The following NAA35 variants were observed in gnomAD, a reference collection of about 807,000 sequenced individuals.
NAA35 encodes the protein MAK10 homolog, amino-acid N-acetyltransferase subunit.
A neutral mutation model predicts 101.7 loss-of-function variants in NAA35; 18 were observed. The ratio of observed to expected loss-of-function variants is 0.18; its 90% CI spans 0.12 to 0.26. The LOEUF (loss-of-function observed/expected upper bound fraction) is 0.26. Among genes scored for constraint, NAA35 ranks in the 10% least tolerant of loss-of-function variants. The pLI is 1.00. For missense variants in NAA35, 601 were observed against 886.8 expected, an observed-to-expected ratio of 0.68 and a Z score of 4.09; for synonymous variants, 267 against 273.1, an observed-to-expected ratio of 0.98 and a Z score of 0.22.
chr9:85,967,557 C>T (rs1250210113), intron 6 of NAA35, among the ~76,000 whole-genome samples: 3 of 152,054 alleles, frequency 2.0e-5, no homozygotes, highest in Non-Finnish European at 4.4e-5. Flanking sequence ...CATGTAATTC[C>T]AGCACTTTGA....
intron 12 of NAA35, among the ~76,000 whole-genome samples, chr9:85,999,899 G>A (rs1245254023): frequency 6.6e-6 from 1 of 152,134 alleles, no homozygotes; most frequent in Non-Finnish European, 1.5e-5. Flanking sequence ...GTAGATGTTA[G>A]CATTTCGGTG....
chr9:86,018,434 C>T (rs879091022), intron 20 of NAA35, 39 bp downstream of exon 20: 1 of 1,581,392 alleles, frequency 6.3e-7, no homozygotes, highest in East Asian at 2.3e-5. Context: ...AATCTTTAGT[C>T]TTAGACCTTC....
intron 1 of NAA35, 117 bp from the exon 2 acceptor site, chr9:85,942,013 GTACTGTCCTTAGACTCAGAAGAGTT>G: frequency 7.4e-7 from 1 of 1,353,412 alleles, no homozygotes; most frequent in Admixed American, 2.8e-5. Context: ...ATTCTTTGCA[GTACTGTCCTTAGACTCAGAAGAGTT>G]CTGCTTTAAA....
chr9:85,994,376 C>T (rs1321612239), intron 11 of NAA35, among the ~76,000 whole-genome samples: 2 of 152,148 alleles, frequency 1.3e-5, no homozygotes, highest in Non-Finnish European at 2.9e-5. Flanking sequence ...TGTTCTAGGT[C>T]CCTCATACAA....
intron 6 of NAA35, among the ~76,000 whole-genome samples, chr9:85,967,071 G>A (rs1163374018): frequency 6.6e-6 from 1 of 152,048 alleles, no homozygotes; most frequent in African/African-American, 2.4e-5. Flanking sequence ...CTCAGGAGGC[G>A]GAGCTTGCAG....
Position 86,014,286 on chromosome 9 carries a change from T to C in NAA35, c.1568+389T>C, listed in dbSNP as rs908513990. ...TTCTTGGAAGAAATCATGACCAAGG[T>C]GATCACTGGGAGCATAACTGTTTCA... On this transcript the variant is annotated intron_variant, in intron 17 of 22. Coordinates refer to ENST00000361671, the MANE Select transcript of NAA35 (RefSeq NM_024635.4). The C allele has an allele frequency of 5.2e-6, 3 of 575,628 alleles. No homozygotes were observed. The African/African-American group carries it at 6.1e-5, about 12-fold the overall frequency. The allele number at this position is 575,628 out of a possible 1,614,324, so 35.7% of individuals were successfully genotyped here. A position where few individuals can be genotyped will look rare whatever the true frequency, so the allele number is the denominator to read the frequency against.
At chr9:85,966,042 C>T (rs945639923) in intron 6 of NAA35, among the ~76,000 whole-genome samples, 1 of 152,124 alleles carries the variant, frequency 6.6e-6, no homozygotes, top group South Asian at 2.1e-4. Context: ...TATGCTCCAG[C>T]GATACTTTGT....
chr9:85,999,855 G>A (rs1336951239), intron 12 of NAA35, among the ~76,000 whole-genome samples: 1 of 152,174 alleles, frequency 6.6e-6, no homozygotes, highest in Non-Finnish European at 1.5e-5. Flanking sequence ...GCAGAGAACT[G>A]TGAAGATGAT....
intron 21 of NAA35, among the ~76,000 whole-genome samples, chr9:86,020,679 A>G (rs1832492208): frequency 1.3e-5 from 2 of 152,148 alleles, no homozygotes; most frequent in East Asian, 1.9e-4. Context: ...TCTTGTCTCT[A>G]TAAAAATTTA....
intron 2 of NAA35, among the ~76,000 whole-genome samples, chr9:85,949,525 C>G (rs1218142458): frequency 2.6e-5 from 4 of 151,896 alleles, no homozygotes; most frequent in African/African-American, 4.8e-5. Flanking sequence ...GAACTCCTGA[C>G]CTTGTGATCC....
At chr9:86,018,453 A>G in intron 20 of NAA35, 58 bp downstream of exon 20, 3 of 1,552,318 alleles carry the variant, frequency 1.9e-6, no homozygotes, top group South Asian at 1.2e-5. Context: ...TCTTAGAGAG[A>G]TGCTGTTTGT....
chr9:86,003,731 T>C, intron 13 of NAA35, 87 bp downstream of exon 13: 1 of 776,756 alleles, frequency 1.3e-6, no homozygotes, highest in South Asian at 2.3e-5. Flanking sequence ...AAAAGGTAGA[T>C]GCTTTTAAAG....
chr9:85,953,659 C>G (rs1290735254), intron 2 of NAA35, among the ~76,000 whole-genome samples: 1 of 151,940 alleles, frequency 6.6e-6, no homozygotes, highest in Admixed American at 6.6e-5. Flanking sequence ...GAACTCCTGA[C>G]CTCAGGTGAT....
At chr9:85,955,327 CAT>C (rs1173706353) in intron 2 of NAA35, among the ~76,000 whole-genome samples, 1,773 of 82,572 alleles carry the variant, frequency 0.021, 115 homozygotes, top group Admixed American at 0.076. Flanking sequence ...CATCTATATA[CAT>C]ATATATATAT....
rs1832700368 is a variant in NAA35 at position 86,024,570 on chromosome 9, T to TG, written c.*2612dup. ...TTAACAAAGGTAGTGGCAGAGCAGG[T>TG]GGAAGAAAGTGGATGAAATCAAATG... On this transcript the variant is annotated 3_prime_UTR_variant, in exon 23 of 23. Coordinates refer to ENST00000361671, the MANE Select transcript of NAA35 (RefSeq NM_024635.4). Among the ~76,000 whole-genome samples the TG allele has an allele frequency of 6.6e-6, 1 of 151,914 alleles. No individual in the cohort carries two copies. The highest frequency in any genetic ancestry group is 2.4e-5 in the African/African-American group (1 of 41,324).
intron 9 of NAA35, among the ~76,000 whole-genome samples, chr9:85,977,003 A>G (rs1587605628): frequency 6.6e-6 from 1 of 152,150 alleles, no homozygotes; most frequent in African/African-American, 2.4e-5. Flanking sequence ...AGAGCGCCAC[A>G]GTATCAAAAG....
At chr9:85,975,295 TG>T in intron 8 of NAA35, 138 bp downstream of exon 8, 1 of 794,548 alleles carries the variant, frequency 1.3e-6, no homozygotes, top group Non-Finnish European at 2.0e-6. Flanking sequence ...ATTTGAACAC[TG>T]CTAGAGGAGT....
chr9:85,964,078 CTA>C lies in NAA35; in HGVS notation c.516+1900_516+1901del, dbSNP rs895441837. Among the ~76,000 whole-genome samples, 11 of 149,652 alleles carry C rather than the reference CTA, an allele frequency of 7.4e-5. No individual in the cohort carries two copies. In the South Asian group the frequency reaches 8.5e-4, roughly 12 times the overall value. On this transcript the variant is annotated intron_variant, in intron 6 of 22. Transcript: ENST00000361671. ...ATGGGAAAACAGGCACTCAAATACT[CTA>C]TGTGTGTGTCAATGAATATGAGCAG... is the stretch of plus-strand genomic sequence containing the variant.
chr9:85,965,135 A>T (rs1829687906), intron 6 of NAA35, among the ~76,000 whole-genome samples: 1 of 152,320 alleles, frequency 6.6e-6, no homozygotes, highest in African/African-American at 2.4e-5. Flanking sequence ...CAATGTGGTG[A>T]TATCTATCAT....
Sources: gnomAD v4.1 joint callset for allele counts (sites outside exome capture counted in the v4.1 genomes callset) on GRCh38, gnomAD v4.1.1 for gene constraint, MANE v1.5 for transcripts, NCBI Gene and HGNC (gene_info 2026-07-23, HGNC 2026-07-21) for gene names.